PARVA: variants seen among roughly 807,000 people sequenced by gnomAD.
PARVA encodes parvin alpha, also known as alpha-parvin.
In PARVA, 25 loss-of-function variants were observed where a neutral mutation model predicts 52.6. That is an observed-to-expected ratio of 0.48 (90% CI 0.35 to 0.66). PARVA has a LOEUF of 0.66. Ranked by LOEUF, PARVA falls within the 30% of genes least tolerant of loss-of-function variation. The probability of loss-of-function intolerance (pLI) is 0.01; values close to 1 mark genes in which losing one functional copy is unlikely to be tolerated. For missense variants in PARVA, 373 were observed against 450.9 expected, an observed-to-expected ratio of 0.83 and a Z score of 1.56; for synonymous variants, 185 against 179.1, an observed-to-expected ratio of 1.03 and a Z score of -0.26.
At chr11:12,480,655 T>G (rs537344149) in intron 4 of PARVA, 1 of 152,074 alleles carries the variant, frequency 6.6e-6, no homozygotes, top group Non-Finnish European at 1.5e-5. Flanking sequence ...CATTTCACAT[T>G]TCACCCTTCA....
In PARVA at chr11:12,379,548, C is replaced by A. The variant is rs981162882; in HGVS notation, c.136+1765C>A. 2.6e-5 allele frequency among the ~76,000 whole-genome samples: 4 copies of A among 152,228 alleles called. No individual in the cohort carries two copies. In the South Asian group the frequency reaches 8.3e-4, roughly 32 times the overall value. Reference sequence around the variant, plus strand: ...CTTATATCAAATGGTATATTTGTAACCATTAATCAACTTCTCTTCCCCCCT... The same window carrying A: ...CTTATATCAAATGGTATATTTGTAAACATTAATCAACTTCTCTTCCCCCCT... On this transcript the variant is annotated intron_variant, in intron 1 of 12. Coordinates refer to ENST00000334956, the MANE Select transcript of PARVA (RefSeq NM_018222.5).
intron 1 of PARVA, among the ~76,000 whole-genome samples, chr11:12,382,995 G>T (rs1399139174): frequency 6.6e-6 from 1 of 152,156 alleles, no homozygotes; most frequent in African/African-American, 2.4e-5. Flanking sequence ...TTCAGGTTCT[G>T]TAAATAGCCT....
At chr11:12,479,291 C>T (rs369169938) in intron 4 of PARVA, 16 of 151,186 alleles carry the variant, frequency 1.1e-4, no homozygotes, top group African/African-American at 3.9e-4. Flanking sequence ...CTATTATAGC[C>T]TTTACAGTAC....
chr11:12,477,458 G>A (rs1041110853), intron 3 of PARVA, among the ~76,000 whole-genome samples: 2 of 152,102 alleles, frequency 1.3e-5, no homozygotes, highest in African/African-American at 4.8e-5. Flanking sequence ...GAATAATAGG[G>A]GACATAGATA....
chr11:12,425,361 T>G (rs969379982), intron 1 of PARVA, among the ~76,000 whole-genome samples: 1 of 152,174 alleles, frequency 6.6e-6, no homozygotes, highest in East Asian at 1.9e-4. Context: ...TCATATCACC[T>G]CTTCATTGGA....
At chr11:12,441,783 T>G (rs1450019298) in intron 1 of PARVA, among the ~76,000 whole-genome samples, 1 of 152,194 alleles carries the variant, frequency 6.6e-6, no homozygotes, top group Non-Finnish European at 1.5e-5. Context: ...TTTTAATGAT[T>G]TTTCCCCCTG....
intron 1 of PARVA, among the ~76,000 whole-genome samples, chr11:12,390,545 C>T (rs918327335): frequency 4.6e-5 from 7 of 152,120 alleles, no homozygotes; most frequent in South Asian, 4.1e-4. Context: ...AGGCAGGTTA[C>T]GACCCTAGCT....
At chr11:12,389,400 G>T (rs1589938177) in intron 1 of PARVA, among the ~76,000 whole-genome samples, 1 of 152,160 alleles carries the variant, frequency 6.6e-6, no homozygotes, top group Non-Finnish European at 1.5e-5. Flanking sequence ...CGCCACTCCT[G>T]TGTGAGACCC....
chr11:12,429,972 T>C (rs1940293740), intron 1 of PARVA, among the ~76,000 whole-genome samples: 1 of 152,238 alleles, frequency 6.6e-6, no homozygotes, highest in African/African-American at 2.4e-5. Flanking sequence ...TTTAATGTTA[T>C]TCATGATATA....
At chr11:12,465,665 G>T (rs1940844764) in intron 1 of PARVA, among the ~76,000 whole-genome samples, 1 of 152,100 alleles carries the variant, frequency 6.6e-6, no homozygotes, top group Admixed American at 6.5e-5. Flanking sequence ...TGCATTTAAG[G>T]TTCTTTCATG....
intron 1 of PARVA, among the ~76,000 whole-genome samples, chr11:12,430,403 G>T (rs1472060114): frequency 2.6e-5 from 4 of 152,212 alleles, no homozygotes; most frequent in Non-Finnish European, 1.5e-5. Context: ...GTAGGAGCCA[G>T]TTCCAACACA....
At chr11:12,380,800 TCTAA>T (rs774636899) in intron 1 of PARVA, among the ~76,000 whole-genome samples, 5 of 140,132 alleles carry the variant, frequency 3.6e-5, no homozygotes, top group Non-Finnish European at 7.7e-5. Flanking sequence ...TAAGGTTGCC[TCTAA>T]CTATTCTGCC....
At chr11:12,409,738 G>A (rs35505492) in intron 1 of PARVA, among the ~76,000 whole-genome samples, 2,141 of 152,278 alleles carry the variant, frequency 0.014, 40 homozygotes, top group Admixed American at 0.052. Context: ...ATTTTAGCTC[G>A]ACTTCTAACC....
intron 1 of PARVA, among the ~76,000 whole-genome samples, chr11:12,432,679 A>T (rs1242777530): frequency 6.6e-6 from 1 of 152,228 alleles, no homozygotes; most frequent in Non-Finnish European, 1.5e-5. Context: ...ACAAAGAACC[A>T]CGTTCTGTCA....
At chr11:12,411,845 G>A (rs76099418) in intron 1 of PARVA, among the ~76,000 whole-genome samples, 84 of 152,150 alleles carry the variant, frequency 5.5e-4, no homozygotes, top group African/African-American at 1.9e-3. Context: ...TGTGACCTAC[G>A]AGGTCTTCTC....
intron 3 of PARVA, among the ~76,000 whole-genome samples, chr11:12,474,372 T>C (rs946193796): frequency 3.3e-5 from 5 of 152,044 alleles, no homozygotes; most frequent in Non-Finnish European, 7.4e-5. Flanking sequence ...ATGCTTTGTT[T>C]ATGGTCATAA....
chr11:12,437,239 A>G (rs1940398699), intron 1 of PARVA, among the ~76,000 whole-genome samples: 1 of 152,236 alleles, frequency 6.6e-6, no homozygotes, highest in African/African-American at 2.4e-5. Flanking sequence ...AGAACAAGAA[A>G]GGACTGCAGA....
At chr11:12,520,549 G>A (rs2135086112) in intron 12 of PARVA, among the ~76,000 whole-genome samples, 1 of 152,318 alleles carries the variant, frequency 6.6e-6, no homozygotes, top group Non-Finnish European at 1.5e-5. Flanking sequence ...AAATCCCCTA[G>A]AAACTGGGTT....
intron 1 of PARVA, among the ~76,000 whole-genome samples, chr11:12,396,854 T>C (rs569869698): frequency 6.6e-6 from 1 of 152,316 alleles, no homozygotes; most frequent in East Asian, 1.9e-4. Context: ...TTGACTGTAG[T>C]AGTGTAGCCT....
Sources: allele counts gnomAD v4.1 joint callset (sites outside exome capture counted in the v4.1 genomes callset), GRCh38; gene constraint gnomAD v4.1.1; transcripts MANE v1.5; gene names NCBI Gene and HGNC (gene_info 2026-07-23, HGNC 2026-07-21).